PLCH1: variants seen among roughly 807,000 people sequenced by gnomAD.
PLCH1 encodes the protein 1-phosphatidylinositol 4,5-bisphosphate phosphodiesterase eta-1.
Under a neutral mutation model 126.7 loss-of-function variants are expected in PLCH1, and 60 were observed. The ratio of observed to expected loss-of-function variants is 0.47; its 90% CI spans 0.38 to 0.59. PLCH1 has a LOEUF of 0.59. Among genes scored for constraint, PLCH1 ranks in the 20% least tolerant of loss-of-function variants. The pLI is 0.00. For missense variants in PLCH1, 1,723 were observed against 2,040.0 expected, an observed-to-expected ratio of 0.84 and a Z score of 2.99; for synonymous variants, 719 against 734.9, an observed-to-expected ratio of 0.98 and a Z score of 0.35.
chr3:155,607,691 C>T (rs1477644598), intron 2 of PLCH1, among the ~76,000 whole-genome samples: 1 of 152,122 alleles, frequency 6.6e-6, no homozygotes, highest in African/African-American at 2.4e-5. Context: ...ATCTGCCTGC[C>T]TCAGCCTCCC....
At chr3:155,700,542 A>G (rs1746196703) in intron 2 of PLCH1, among the ~76,000 whole-genome samples, 1 of 152,210 alleles carries the variant, frequency 6.6e-6, no homozygotes, top group African/African-American at 2.4e-5. Flanking sequence ...ATTTTCCCAT[A>G]AGAAGTTGAG....
chr3:155,535,145 C>T (rs1438797640), intron 10 of PLCH1, among the ~76,000 whole-genome samples: 4 of 152,252 alleles, frequency 2.6e-5, no homozygotes, highest in African/African-American at 9.6e-5. Context: ...AGGGAAACCA[C>T]TTCTGACTGT....
intron 2 of PLCH1, among the ~76,000 whole-genome samples, chr3:155,649,324 A>G (rs1012131167): frequency 2.6e-5 from 4 of 152,152 alleles, no homozygotes; most frequent in Admixed American, 2.6e-4. Context: ...CCACTACCCT[A>G]TATAATTCTG....
chr3:155,674,048 G>C (rs1219740380), intron 2 of PLCH1, among the ~76,000 whole-genome samples: 1 of 152,124 alleles, frequency 6.6e-6, no homozygotes, highest in Non-Finnish European at 1.5e-5. Context: ...CAAGAAAGTA[G>C]TATTATCTCT....
chr3:155,634,512 G>T (rs1738488714), intron 2 of PLCH1, among the ~76,000 whole-genome samples: 1 of 152,188 alleles, frequency 6.6e-6, no homozygotes, highest in South Asian at 2.1e-4. Flanking sequence ...CAATGGAGCT[G>T]GTTGCTGAGC....
intron 2 of PLCH1, among the ~76,000 whole-genome samples, chr3:155,625,783 A>G (rs1411296964): frequency 3.3e-5 from 5 of 152,202 alleles, no homozygotes; most frequent in Non-Finnish European, 5.9e-5. Flanking sequence ...TGTTGGTGGG[A>G]GTGTAAATTG....
At chr3:155,477,804 T>C (rs748604692), downstream of PLCH1, among the ~76,000 whole-genome samples, 1 of 152,122 alleles carries the variant, frequency 6.6e-6, no homozygotes, top group Non-Finnish European at 1.5e-5. Flanking sequence ...GGTGGGAATA[T>C]AAATTAGCAT....
intron 21 of PLCH1, among the ~76,000 whole-genome samples, chr3:155,452,675 T>C (rs926793639): frequency 6.6e-6 from 1 of 152,126 alleles, no homozygotes; most frequent in Non-Finnish European, 1.5e-5. Context: ...TATAATACTT[T>C]TGAACATTTT....
chr3:155,661,341 G>A (rs1368517749), intron 2 of PLCH1, among the ~76,000 whole-genome samples: 3 of 152,080 alleles, frequency 2.0e-5, no homozygotes, highest in Non-Finnish European at 2.9e-5. Context: ...GGGTAACAAG[G>A]CATATTTTGA....
intron 21 of PLCH1, among the ~76,000 whole-genome samples, chr3:155,472,052 G>A (rs1474785057): frequency 6.6e-6 from 1 of 152,152 alleles, no homozygotes; most frequent in South Asian, 2.1e-4. Context: ...TCAAAAGCTA[G>A]CAGAAGGCAA....
chr3:155,512,958 A>C (rs1719791990), intron 12 of PLCH1, among the ~76,000 whole-genome samples: 1 of 152,124 alleles, frequency 6.6e-6, no homozygotes. Context: ...AGATTCCAGA[A>C]CTCTTAAGAA....
intron 2 of PLCH1, among the ~76,000 whole-genome samples, chr3:155,680,461 G>A (rs1234755701): frequency 1.3e-5 from 2 of 152,110 alleles, no homozygotes; most frequent in Non-Finnish European, 2.9e-5. Context: ...ATGGAAAGTA[G>A]GGGAAAAGCA....
intron 2 of PLCH1, among the ~76,000 whole-genome samples, chr3:155,610,920 G>A (rs1735000947): frequency 6.6e-6 from 1 of 152,084 alleles, no homozygotes; most frequent in South Asian, 2.1e-4. Flanking sequence ...ATACAGGATG[G>A]CAGAATGAAT....
chr3:155,538,815 C>G (rs1050639883), intron 10 of PLCH1, among the ~76,000 whole-genome samples: 1 of 152,010 alleles, frequency 6.6e-6, no homozygotes, highest in Non-Finnish European at 1.5e-5. Flanking sequence ...CGGCTTAATT[C>G]TATCAGACAT....
intron 2 of PLCH1, among the ~76,000 whole-genome samples, chr3:155,657,210 T>A (rs1559904180): frequency 6.6e-6 from 1 of 152,118 alleles, no homozygotes; most frequent in Non-Finnish European, 1.5e-5. Flanking sequence ...TTTCAAGGCT[T>A]TGGAGTCAAG....
intron 2 of PLCH1, among the ~76,000 whole-genome samples, chr3:155,656,628 A>G (rs1741406340): frequency 6.6e-6 from 1 of 152,176 alleles, no homozygotes. Flanking sequence ...AATAAAATAG[A>G]AATTAGCGGT....
At chr3:155,614,792 ATC>A (rs1210367221) in intron 2 of PLCH1, among the ~76,000 whole-genome samples, 1 of 152,216 alleles carries the variant, frequency 6.6e-6, no homozygotes, top group Non-Finnish European at 1.5e-5. Context: ...CTCAAGATGG[ATC>A]TAAGACTTAA....
At chr3:155,676,836 T>G (rs1164050351) in intron 2 of PLCH1, among the ~76,000 whole-genome samples, 2 of 150,786 alleles carry the variant, frequency 1.3e-5, no homozygotes, top group African/African-American at 5.0e-5. Flanking sequence ...CTATTTCTCA[T>G]GTTTAAAAAA....
At chr3:155,546,619 C>T (rs970404868) in intron 10 of PLCH1, among the ~76,000 whole-genome samples, 39 of 152,272 alleles carry the variant, frequency 2.6e-4, no homozygotes, top group African/African-American at 3.6e-4. Flanking sequence ...GGAGGCATCA[C>T]GCTGCCTGAC....
Sources: allele counts gnomAD v4.1 joint callset (sites outside exome capture counted in the v4.1 genomes callset), GRCh38; gene constraint gnomAD v4.1.1; transcripts MANE v1.5; gene names NCBI Gene and HGNC (gene_info 2026-07-23, HGNC 2026-07-21).